The following FAM184A variants were observed in gnomAD, a reference collection of about 807,000 sequenced individuals.
FAM184A encodes the protein family with sequence similarity 184 member A.
Under a neutral mutation model 143.8 loss-of-function variants are expected in FAM184A, and 99 were observed. That is an observed-to-expected ratio of 0.69 (90% CI 0.58 to 0.81). FAM184A has a LOEUF of 0.81. Among genes scored for constraint, FAM184A ranks in the 40% least tolerant of loss-of-function variants. The pLI is 0.00. For missense variants in FAM184A, 1,217 were observed against 1,310.5 expected (o/e 0.93, Z 1.10); for synonymous variants, 427 against 446.4 (o/e 0.96, Z 0.55).
At chr6:119,001,956 T>A (rs2114637648) in intron 9 of FAM184A, among the ~76,000 whole-genome samples, 1 of 152,124 alleles carries the variant, frequency 6.6e-6, no homozygotes, top group East Asian at 1.9e-4. Context: ...TGTCTGAGTT[T>A]CAAGTGACTG....
At chr6:119,062,238 C>T (rs1167854019) in intron 1 of FAM184A, among the ~76,000 whole-genome samples, 1 of 152,104 alleles carries the variant, frequency 6.6e-6, no homozygotes, top group East Asian at 1.9e-4. Context: ...CAAGAAGTAC[C>T]ATGATTAAAC....
chr6:119,121,470 A>G (rs1273433525), intron 1 of FAM184A, among the ~76,000 whole-genome samples: 1 of 152,212 alleles, frequency 6.6e-6, no homozygotes, highest in African/African-American at 2.4e-5. Context: ...AATTAAATCC[A>G]TAAGCAGTAT....
chr6:119,140,898 T>C (rs1316986463), intron 1 of FAM184A, among the ~76,000 whole-genome samples: 1 of 152,248 alleles, frequency 6.6e-6, no homozygotes, highest in Non-Finnish European at 1.5e-5. Flanking sequence ...AGGTAATAAA[T>C]GGAGGAATCC....
intron 1 of FAM184A, among the ~76,000 whole-genome samples, chr6:119,061,340 A>G (rs1787228078): frequency 1.3e-5 from 2 of 151,960 alleles, no homozygotes; most frequent in Non-Finnish European, 2.9e-5. Context: ...GGAGAGAGCC[A>G]GGATTACTTT....
Position 118,964,671 on chromosome 6 carries a change from G to A in FAM184A, c.3134C>T (p.Ala1045Val). Residue 1045 changes from alanine to valine, a missense_variant, in exon 16 of 18, where the codon GCT becomes GTT. Physicochemically the swap from Ala to Val is moderately conservative, Grantham distance 64. Coordinates refer to ENST00000338891, the MANE Select transcript of FAM184A (RefSeq NM_024581.6). Reference protein sequence around the residue: ...SPTVGVINPLAKQKKKNDKSP... With the variant: ...SPTVGVINPLVKQKKKNDKSP... ...TACAGTGTTTACGGCACATACCTTA[G>A]CCAATGGATTAATAACACCAACAGT... 2.5e-6 allele frequency: 4 copies of A among 1,572,174 alleles called. No individual in the cohort carries two copies. Among genetic ancestry groups the A allele is most frequent in the Non-Finnish European group, 3.5e-6 (4 of 1,145,218 alleles).
chr6:118,991,001 TC>T lies in FAM184A; in HGVS notation c.2089-10652del, dbSNP rs1784360504. ...ATGTATCAACTTATTCAACTATGTA[TC>T]TCACCCTGTATAAATTTTATACATT... On this transcript the variant is annotated intron_variant, in intron 9 of 17. Transcript: ENST00000338891. Among the ~76,000 whole-genome samples the T allele has an allele frequency of 2.0e-5, 3 of 152,026 alleles. No homozygotes were observed. In the South Asian group the frequency reaches 6.2e-4, roughly 32 times the overall value.
At chr6:118,994,002 G>T (rs893594853) in intron 9 of FAM184A, among the ~76,000 whole-genome samples, 1 of 152,134 alleles carries the variant, frequency 6.6e-6, no homozygotes, top group African/African-American at 2.4e-5. Flanking sequence ...CAGAATAAAG[G>T]TGTCATCAGG....
rs1554264562 is a variant in FAM184A, at chr6:118,969,993, A to AAAATATATATATAT, written c.2916-3042_2916-3041insATATATATATATTT. Among the ~76,000 whole-genome samples, 26 of 24,368 alleles carry AAAATATATATATAT rather than the reference A, an allele frequency of 1.1e-3. 1 individual carries two copies. Among genetic ancestry groups the AAAATATATATATAT allele is most frequent in the African/African-American group, 3.3e-3 (23 of 6,950 alleles). The allele number at this position is 24,368 out of a possible 152,430, so 16.0% of individuals were successfully genotyped here. A position where few individuals can be genotyped will look rare whatever the true frequency, so the allele number is the denominator to read the frequency against. ...AAATTGTTTGGGTGTATATATATAT[A>AAAATATATATATAT]ATATATATATATATATTTTTTTTTT... On this transcript the variant is annotated intron_variant, in intron 14 of 17. Coordinates refer to ENST00000338891, the MANE Select transcript of FAM184A (RefSeq NM_024581.6).
At chr6:118,990,766 T>A (rs966569113) in intron 9 of FAM184A, among the ~76,000 whole-genome samples, 1 of 150,948 alleles carries the variant, frequency 6.6e-6, no homozygotes, top group African/African-American at 2.4e-5. Context: ...ACACCTGTAA[T>A]TCCAGCTACA....
At chr6:118,993,073 C>G (rs540365096) in intron 9 of FAM184A, among the ~76,000 whole-genome samples, 1 of 152,120 alleles carries the variant, frequency 6.6e-6, no homozygotes, top group Non-Finnish European at 1.5e-5. Flanking sequence ...TGTAAAAATA[C>G]TTATTTGGGA....
Position 119,023,890 on chromosome 6 carries a change from C to G in FAM184A, c.1014+69G>C, listed in dbSNP as rs570068432. The stretch of plus-strand genomic sequence containing the variant: ...GATTCTAAGTGGGCCAGACTGCTCT[C>G]CAGCCTACAAAACAAATATTTTTAA... On this transcript the variant is annotated intron_variant, in intron 2 of 17. Transcript: ENST00000338891. 3.8e-5 allele frequency: 54 copies of G among 1,435,938 alleles called. No homozygotes were observed. The African/African-American group carries it at 7.1e-4, about 19-fold the overall frequency. The allele number at this position is 1,435,938 out of a possible 1,614,324, so 88.9% of individuals were successfully genotyped here.
At chr6:119,015,820 G>A (rs1266034244) in intron 5 of FAM184A, among the ~76,000 whole-genome samples, 3 of 152,350 alleles carry the variant, frequency 2.0e-5, no homozygotes, top group African/African-American at 2.4e-5. Flanking sequence ...GAGTCTTTAT[G>A]TCTAGCTCAG....
chr6:119,050,775 G>A (rs1213520785), intron 1 of FAM184A, among the ~76,000 whole-genome samples: 5 of 150,584 alleles, frequency 3.3e-5, no homozygotes, highest in Admixed American at 6.6e-5. Flanking sequence ...ACTGCAGTCC[G>A]CAGTCCGGCC....
intron 9 of FAM184A, among the ~76,000 whole-genome samples, chr6:118,994,634 C>T (rs992490290): frequency 2.0e-5 from 3 of 151,304 alleles, no homozygotes; most frequent in Non-Finnish European, 4.4e-5. Flanking sequence ...TGCAGTGAAC[C>T]GAGATTGCAC....
At chr6:119,128,757 G>T (rs1322113003) in intron 1 of FAM184A, among the ~76,000 whole-genome samples, 1 of 152,144 alleles carries the variant, frequency 6.6e-6, no homozygotes, top group Non-Finnish European at 1.5e-5. Context: ...GGCCTGGAAG[G>T]AAATCAAGGT....
intron 1 of FAM184A, among the ~76,000 whole-genome samples, chr6:119,117,338 G>C (rs611679): frequency 0.047 from 7,158 of 152,288 alleles, 563 homozygotes; most frequent in African/African-American, 0.17. Flanking sequence ...ACAGGGAAGA[G>C]GGAAGAAGAA....
chr6:119,053,592 T>A (rs1176351144), intron 1 of FAM184A, among the ~76,000 whole-genome samples: 1 of 152,180 alleles, frequency 6.6e-6, no homozygotes, highest in Non-Finnish European at 1.5e-5. Context: ...TATGGCAATA[T>A]TTTCAATTTA....
chr6:119,137,436 C>G (rs1789701474), intron 1 of FAM184A, among the ~76,000 whole-genome samples: 1 of 152,142 alleles, frequency 6.6e-6, no homozygotes, highest in Non-Finnish European at 1.5e-5. Flanking sequence ...TAATCATCTC[C>G]TAAAAGCCCT....
At position 118,992,939 on chromosome 6, in the gene FAM184A, T is replaced by C. The variant is rs556922385; in HGVS notation, c.2088+9960A>G. Among the ~76,000 whole-genome samples the C allele has an allele frequency of 2.0e-5, 3 of 152,294 alleles. No homozygotes were observed. The East Asian group carries it at 5.8e-4, about 29-fold the overall frequency. ...AGCAAGACCCTATCTCAAAAAATCATAAAGTAAATTTTAATTAATGAATTT... is the reference window on the plus strand; with the variant it reads ...AGCAAGACCCTATCTCAAAAAATCACAAAGTAAATTTTAATTAATGAATTT... On this transcript the variant is annotated intron_variant, in intron 9 of 17. Transcript: ENST00000338891.
Sources: allele counts gnomAD v4.1 joint callset (sites outside exome capture counted in the v4.1 genomes callset), GRCh38; gene constraint gnomAD v4.1.1; transcripts MANE v1.5; gene names NCBI Gene and HGNC (gene_info 2026-07-23, HGNC 2026-07-21).